The following ACTR3C variants were observed in gnomAD, a reference collection of about 807,000 sequenced individuals.
ACTR3C encodes the protein actin related protein 3C.
A neutral mutation model predicts 26.3 loss-of-function variants in ACTR3C; 18 were observed. The ratio of observed to expected loss-of-function variants is 0.68; its 90% confidence interval spans 0.47 to 1.01. The LOEUF is 1.01. Among genes scored for constraint, ACTR3C ranks in the 50% least tolerant of loss-of-function variants. The pLI is 0.00. For missense variants in ACTR3C, 184 were observed against 250.7 expected, an observed-to-expected ratio of 0.73 and a Z score of 1.80; for synonymous variants, 55 against 94.5, an observed-to-expected ratio of 0.58 and a Z score of 2.42.
the ACTR3C span, among the ~76,000 whole-genome samples, chr7:150,185,938 C>CA: frequency 3.3e-5 from 5 of 152,178 alleles, no homozygotes; most frequent in African/African-American, 1.2e-4. Context: ...AACTGCTCTG[C>CA]ATAACAACTT....
intron 1 of ACTR3C, among the ~76,000 whole-genome samples, chr7:150,316,535 G>A (rs1796923566): frequency 6.7e-6 from 1 of 148,150 alleles, no homozygotes; most frequent in Non-Finnish European, 1.5e-5. Flanking sequence ...TGCCAGGCGG[G>A]AGTGCAGTGG....
chr7:150,290,223 T>G, intron 3 of ACTR3C, among the ~76,000 whole-genome samples: 1 of 152,106 alleles, frequency 6.6e-6, no homozygotes, highest in Admixed American at 6.5e-5. Flanking sequence ...CTCATTCCAC[T>G]GCCTCCCTAA....
chr7:149,893,266 T>G, the ACTR3C span, among the ~76,000 whole-genome samples: 1 of 152,238 alleles, frequency 6.6e-6, no homozygotes, highest in Admixed American at 6.5e-5. Context: ...GTTTGATGCT[T>G]CCACTGGCCC....
chr7:150,292,687 G>A (rs1192279783), intron 3 of ACTR3C, among the ~76,000 whole-genome samples: 1 of 152,174 alleles, frequency 6.6e-6, no homozygotes, highest in Non-Finnish European at 1.5e-5. Flanking sequence ...AGTAGAGACA[G>A]GGTTTCTCCA....
the ACTR3C span, among the ~76,000 whole-genome samples, chr7:150,091,838 A>G: frequency 2.8e-4 from 42 of 150,312 alleles, no homozygotes; most frequent in Non-Finnish European, 6.2e-4. Context: ...AAAAAAAAAA[A>G]TTAGCCGGGC....
chr7:150,147,121 G>A, the ACTR3C span, among the ~76,000 whole-genome samples: 3 of 152,126 alleles, frequency 2.0e-5, no homozygotes, highest in African/African-American at 7.2e-5. Flanking sequence ...CTTTGGAAAG[G>A]AGGTTCTCCT....
chr7:149,971,237 A>G, the ACTR3C span, among the ~76,000 whole-genome samples: 4 of 152,204 alleles, frequency 2.6e-5, no homozygotes, highest in Non-Finnish European at 5.9e-5. Flanking sequence ...CGTAAACCCA[A>G]GGAGCCATCA....
the ACTR3C span, among the ~76,000 whole-genome samples, chr7:149,979,149 ATTAAGC>A: frequency 1.3e-5 from 2 of 152,266 alleles, no homozygotes; most frequent in African/African-American, 4.8e-5. Flanking sequence ...ATTTACACTC[ATTAAGC>A]AGCAGTCTCT....
At chr7:149,986,108 G>C in the ACTR3C span, among the ~76,000 whole-genome samples, 2 of 151,906 alleles carry the variant, frequency 1.3e-5, no homozygotes, top group East Asian at 1.9e-4. Flanking sequence ...GCCATGGTCT[G>C]TCTGCTCTGT....
the ACTR3C span, among the ~76,000 whole-genome samples, chr7:149,972,892 G>A: frequency 7.9e-4 from 116 of 147,072 alleles, no homozygotes; most frequent in African/African-American, 2.7e-3. Flanking sequence ...CCGTGCGTGG[G>A]CGGCATGTCT....
At chr7:150,198,831 C>G in the ACTR3C span, among the ~76,000 whole-genome samples, 7 of 145,762 alleles carry the variant, frequency 4.8e-5, no homozygotes, top group Non-Finnish European at 9.0e-5. Flanking sequence ...GCCCGGCCAG[C>G]CGCCCCGTCT....
chr7:150,101,453 C>A, the ACTR3C span, among the ~76,000 whole-genome samples: 1 of 151,722 alleles, frequency 6.6e-6, no homozygotes, highest in Non-Finnish European at 1.5e-5. Flanking sequence ...AAATAACTCT[C>A]TTCTGACCCT....
the ACTR3C span, among the ~76,000 whole-genome samples, chr7:150,232,717 G>A: frequency 6.7e-6 from 1 of 148,576 alleles, no homozygotes; most frequent in Non-Finnish European, 1.5e-5. Flanking sequence ...CAGCTACATG[G>A]GAGGCTGAGG....
intron 3 of ACTR3C, among the ~76,000 whole-genome samples, chr7:150,291,121 C>T (rs1000438768): frequency 6.6e-5 from 10 of 151,866 alleles, no homozygotes; most frequent in African/African-American, 4.9e-5. Context: ...TGCATGCGTG[C>T]ACACACGTGT....
chr7:150,034,766 C>G, the ACTR3C span, among the ~76,000 whole-genome samples: 7 of 149,666 alleles, frequency 4.7e-5, no homozygotes, highest in Non-Finnish European at 1.0e-4. Context: ...ACGAAGGGGG[C>G]CCTAAGCCAG....
chr7:150,085,359 G>A, the ACTR3C span, among the ~76,000 whole-genome samples: 1 of 152,122 alleles, frequency 6.6e-6, no homozygotes, highest in Non-Finnish European at 1.5e-5. Flanking sequence ...GAGGTCACGC[G>A]GGAAGACAGA....
the ACTR3C span, among the ~76,000 whole-genome samples, chr7:150,031,382 T>C: frequency 5.9e-4 from 90 of 152,122 alleles, 1 homozygote; most frequent in African/African-American, 2.0e-3. Context: ...CAGGAAAAAT[T>C]ACGGGTATTC....
At chr7:150,316,404 C>T (rs1307443404) in intron 1 of ACTR3C, among the ~76,000 whole-genome samples, 1 of 152,064 alleles carries the variant, frequency 6.6e-6, no homozygotes, top group Non-Finnish European at 1.5e-5. Flanking sequence ...TCCTACCAAC[C>T]CCCAGCCACT....
At chr7:150,051,566 T>C in the ACTR3C span, among the ~76,000 whole-genome samples, 1 of 93,094 alleles carries the variant, frequency 1.1e-5, no homozygotes, top group African/African-American at 3.7e-5. Flanking sequence ...TCCTACTTAT[T>C]GGGTGTGAGA....
Sources: allele counts gnomAD v4.1 joint callset (sites outside exome capture counted in the v4.1 genomes callset), GRCh38; gene constraint gnomAD v4.1.1; transcripts MANE v1.5; gene names NCBI Gene and HGNC (gene_info 2026-07-23, HGNC 2026-07-21).